Variants in CAMK1D observed in about 807,000 individuals in gnomAD.
CAMK1D encodes calcium/calmodulin-dependent protein kinase type 1D.
CAMK1D carries 9 observed loss-of-function variants against 47.7 expected under a neutral mutation model. The ratio of observed to expected loss-of-function variants is 0.19; its 90% CI spans 0.11 to 0.33. The LOEUF (loss-of-function observed/expected upper bound fraction) is 0.33. CAMK1D is among the 10% of genes least tolerant of loss of function. The probability of loss-of-function intolerance (pLI) is 1.00; values close to 1 mark genes in which losing one functional copy is unlikely to be tolerated. For missense variants in CAMK1D, 291 were observed against 488.7 expected, an observed-to-expected ratio of 0.60 and a Z score of 3.81; for synonymous variants, 184 against 184.9, an observed-to-expected ratio of 0.99 and a Z score of 0.04.
intron 4 of CAMK1D, among the ~76,000 whole-genome samples, chr10:12,763,409 A>G (rs1312693450): frequency 2.0e-5 from 3 of 152,192 alleles, no homozygotes; most frequent in East Asian, 1.9e-4. Context: ...GTAGAAAGCT[A>G]TGCGATGTCT....
chr10:12,567,726 T>G (rs1442902478), intron 2 of CAMK1D, among the ~76,000 whole-genome samples: 1 of 152,218 alleles, frequency 6.6e-6, no homozygotes, highest in Non-Finnish European at 1.5e-5. Context: ...ACGTGTGGTT[T>G]CTTTTTGTTG....
chr10:12,522,189 TC>T (rs139767304), intron 1 of CAMK1D, among the ~76,000 whole-genome samples: 66,229 of 139,090 alleles, frequency 0.48, 16,601 homozygotes, highest in South Asian at 0.58. Flanking sequence ...ATGATATATT[TC>T]CTTTTTTTTT....
At chr10:12,432,724 C>T (rs1832521945) in intron 1 of CAMK1D, among the ~76,000 whole-genome samples, 2 of 152,212 alleles carry the variant, frequency 1.3e-5, no homozygotes, top group Non-Finnish European at 2.9e-5. Flanking sequence ...TGAATGGTGT[C>T]AGGGTGCCAG....
intron 1 of CAMK1D, among the ~76,000 whole-genome samples, chr10:12,481,095 G>A (rs529926953): frequency 6.6e-6 from 1 of 152,136 alleles, no homozygotes; most frequent in African/African-American, 2.4e-5. Flanking sequence ...GATGAGAGGG[G>A]CCTGAATTCT....
chr10:12,454,914 G>A (rs950571238), intron 1 of CAMK1D, among the ~76,000 whole-genome samples: 1 of 152,224 alleles, frequency 6.6e-6, no homozygotes, highest in African/African-American at 2.4e-5. Flanking sequence ...TATAATGCAA[G>A]CAAGTTTCAT....
chr10:12,751,083 TA>T (rs1443965096), intron 3 of CAMK1D, among the ~76,000 whole-genome samples: 7 of 82,798 alleles, frequency 8.5e-5, no homozygotes, highest in Non-Finnish European at 1.2e-4. Context: ...TAAGATAAGA[TA>T]AGATAAGATA....
intron 1 of CAMK1D, among the ~76,000 whole-genome samples, chr10:12,390,126 A>G (rs1003738938): frequency 6.6e-6 from 1 of 152,072 alleles, no homozygotes; most frequent in African/African-American, 2.4e-5. Context: ...ACCTTTTATA[A>G]AGCGCTTGTA....
chr10:12,740,262 G>A (rs1835371658), intron 3 of CAMK1D, among the ~76,000 whole-genome samples: 1 of 152,190 alleles, frequency 6.6e-6, no homozygotes, highest in Admixed American at 6.5e-5. Flanking sequence ...ATAAATGACT[G>A]TTTCGTGGAG....
chr10:12,390,261 G>A (rs976665994), intron 1 of CAMK1D, among the ~76,000 whole-genome samples: 6 of 152,030 alleles, frequency 3.9e-5, no homozygotes, highest in African/African-American at 1.4e-4. Context: ...AAAAAAAGAT[G>A]GGGTCTTGCT....
intron 4 of CAMK1D, among the ~76,000 whole-genome samples, chr10:12,761,971 C>T (rs748561839): frequency 1.3e-5 from 2 of 152,192 alleles, no homozygotes; most frequent in African/African-American, 4.8e-5. Flanking sequence ...ACCCTTTCCC[C>T]GTTGGCACAG....
At chr10:12,639,016 G>T (rs1839592688) in intron 2 of CAMK1D, among the ~76,000 whole-genome samples, 1 of 152,180 alleles carries the variant, frequency 6.6e-6, no homozygotes, top group African/African-American at 2.4e-5. Flanking sequence ...CATTCCTCTG[G>T]TTCCTGCTTT....
At chr10:12,647,580 G>A (rs943461127) in intron 2 of CAMK1D, among the ~76,000 whole-genome samples, 1 of 152,182 alleles carries the variant, frequency 6.6e-6, no homozygotes, top group Non-Finnish European at 1.5e-5. Flanking sequence ...TATATTGAGA[G>A]GGAGAGAGGC....
chr10:12,642,975 C>T (rs568174076), intron 2 of CAMK1D, among the ~76,000 whole-genome samples: 25 of 152,040 alleles, frequency 1.6e-4, no homozygotes, highest in Admixed American at 1.4e-3. Flanking sequence ...TCTTTATTCT[C>T]CTGACTAAAT....
intron 1 of CAMK1D, among the ~76,000 whole-genome samples, chr10:12,392,469 T>TG (rs1481543096): frequency 6.6e-6 from 1 of 152,178 alleles, no homozygotes; most frequent in Non-Finnish European, 1.5e-5. Flanking sequence ...CTTAGCCTGT[T>TG]GAGATTACCT....
At chr10:12,480,085 A>G (rs1261689509) in intron 1 of CAMK1D, among the ~76,000 whole-genome samples, 1 of 152,094 alleles carries the variant, frequency 6.6e-6, no homozygotes, top group Non-Finnish European at 1.5e-5. Context: ...GTCACTGGGT[A>G]GGGGCTTGGT....
At chr10:12,638,027 A>C (rs1261030100) in intron 2 of CAMK1D, among the ~76,000 whole-genome samples, 1 of 152,054 alleles carries the variant, frequency 6.6e-6, no homozygotes, top group African/African-American at 2.4e-5. Flanking sequence ...CAGGCAGCTG[A>C]ATGGTGGAGG....
chr10:12,679,729 C>T (rs1009316363), intron 3 of CAMK1D, among the ~76,000 whole-genome samples: 1 of 152,176 alleles, frequency 6.6e-6, no homozygotes, highest in Non-Finnish European at 1.5e-5. Context: ...TAGAATCTCT[C>T]TTTTCTTTTG....
intron 3 of CAMK1D, among the ~76,000 whole-genome samples, chr10:12,693,283 T>A (rs1323900258): frequency 6.6e-6 from 1 of 152,072 alleles, no homozygotes; most frequent in South Asian, 2.1e-4. Flanking sequence ...GAGAATTGCT[T>A]GAACACGGTA....
At chr10:12,780,229 G>A (rs537932926) in intron 5 of CAMK1D, among the ~76,000 whole-genome samples, 26 of 152,268 alleles carry the variant, frequency 1.7e-4, no homozygotes, top group Middle Eastern at 6.8e-3. Context: ...AGCCAGCACA[G>A]TGTTGGGGCG....
Sources: allele counts gnomAD v4.1 joint callset (sites outside exome capture counted in the v4.1 genomes callset), GRCh38; gene constraint gnomAD v4.1.1; transcripts MANE v1.5; gene names NCBI Gene and HGNC (gene_info 2026-07-23, HGNC 2026-07-21).